RMST: variants seen among roughly 807,000 people sequenced by gnomAD.
RMST encodes the protein long intergenic non-protein coding RNA 54.
At chr12:97,547,393 C>A (rs1421935774) in intron 11 of RMST, among the ~76,000 whole-genome samples, 3 of 151,702 alleles carry the variant, frequency 2.0e-5, no homozygotes, top group African/African-American at 7.3e-5. Flanking sequence ...ATTTTATTTC[C>A]TTTGGACAAA....
chr12:97,493,670 C>T (rs1877104262), intron 7 of RMST, among the ~76,000 whole-genome samples: 1 of 152,150 alleles, frequency 6.6e-6, no homozygotes, highest in African/African-American at 2.4e-5. Flanking sequence ...CAAGAAAAAG[C>T]ATATTATCTA....
rs375626901 is a variant in RMST, at chr12:97,492,279, C to A, written n.645-182C>A. On this transcript the variant is annotated intron_variant and non_coding_transcript_variant, in intron 5 of 13. Transcript: ENST00000640149. ...ATATCTGTCAGATCTTAACACTAAA[C>A]CTGCCAGAGTGTAACATGGTCCTGT... is the stretch of plus-strand genomic sequence containing the variant. Among the ~76,000 whole-genome samples, 27 of 152,304 alleles carry A rather than the reference C, an allele frequency of 1.8e-4. 1 individual carries two copies. In the East Asian group the frequency reaches 4.8e-3, roughly 27 times the overall value.
chr12:97,498,006 T>C (rs1434123702), intron 10 of RMST, among the ~76,000 whole-genome samples: 1 of 152,160 alleles, frequency 6.6e-6, no homozygotes, highest in Non-Finnish European at 1.5e-5. Context: ...TGCTCACACA[T>C]ATTTACTGAG....
At chr12:97,482,894 C>T (rs1875596671) in intron 5 of RMST, among the ~76,000 whole-genome samples, 1 of 150,686 alleles carries the variant, frequency 6.6e-6, no homozygotes, top group Non-Finnish European at 1.5e-5. Context: ...AGAAGCCCCT[C>T]ATGCCAAGCA....
intron 5 of RMST, among the ~76,000 whole-genome samples, chr12:97,476,649 C>T: frequency 6.6e-6 from 1 of 152,136 alleles, no homozygotes; most frequent in Non-Finnish European, 1.5e-5. Context: ...TTCATGTCCT[C>T]ATGGAAGAAT....
In RMST at chr12:97,523,388, G is replaced by T. The variant is rs115119643; in HGVS notation, n.1341-7267G>T. ...ATTAGTCAAGGGGGACGAAGTTATA[G>T]TTAGATAGGAGGAATAAGTTCAAGT... On this transcript the variant is annotated intron_variant and non_coding_transcript_variant, in intron 10 of 13. Coordinates refer to ENST00000640149, the Ensembl canonical transcript of RMST. 5.0e-3 allele frequency among the ~76,000 whole-genome samples: 765 copies of T among 152,286 alleles called. 11 individuals carry two copies. Among genetic ancestry groups the T allele is most frequent in the African/African-American group, 0.017 (698 of 41,558 alleles).
At chr12:97,511,710 A>T (rs564079105) in intron 10 of RMST, among the ~76,000 whole-genome samples, 3 of 152,318 alleles carry the variant, frequency 2.0e-5, no homozygotes, top group African/African-American at 7.2e-5. Flanking sequence ...TGAAATAACT[A>T]ATTACAGCAG....
At chr12:97,482,830 TA>T (rs1489314150) in intron 5 of RMST, among the ~76,000 whole-genome samples, 4 of 147,066 alleles carry the variant, frequency 2.7e-5, no homozygotes, top group Non-Finnish European at 4.5e-5. Flanking sequence ...ATTTATTTAT[TA>T]AATAAATTTA....
chr12:97,556,116 C>T (rs983319374), intron 11 of RMST, among the ~76,000 whole-genome samples: 1 of 152,102 alleles, frequency 6.6e-6, no homozygotes, highest in Non-Finnish European at 1.5e-5. Flanking sequence ...TTTGAGAAGC[C>T]CTGGTTGAAC....
At chr12:97,517,933 A>G (rs1025386992) in intron 10 of RMST, among the ~76,000 whole-genome samples, 9 of 152,148 alleles carry the variant, frequency 5.9e-5, no homozygotes, top group Admixed American at 2.0e-4. Context: ...ATAAATAAGT[A>G]TCAATTGTCC....
chr12:97,514,131 A>G (rs1337992740), intron 10 of RMST, among the ~76,000 whole-genome samples: 4 of 152,222 alleles, frequency 2.6e-5, no homozygotes, highest in East Asian at 1.9e-4. Flanking sequence ...GCAAGAGTCA[A>G]GTCTTGGTAA....
intron 10 of RMST, among the ~76,000 whole-genome samples, chr12:97,530,037 AG>A (rs1196435649): frequency 3.3e-5 from 5 of 152,064 alleles, no homozygotes; most frequent in Non-Finnish European, 7.4e-5. Context: ...TTCATGAAAA[AG>A]GGATAGATGG....
At chr12:97,465,703 A>T (rs1873103730) in exon 5 of RMST, 1 of 152,210 alleles carries the variant, frequency 6.6e-6, no homozygotes, top group African/African-American at 2.4e-5. Context: ...TTCCATGAGA[A>T]GTGACATCCT....
intron 10 of RMST, among the ~76,000 whole-genome samples, chr12:97,497,444 T>A (rs1009779585): frequency 1.3e-5 from 2 of 152,194 alleles, no homozygotes; most frequent in African/African-American, 4.8e-5. Context: ...GTTCAAAATA[T>A]TTCAAAGTTG....
intron 10 of RMST, among the ~76,000 whole-genome samples, chr12:97,511,663 C>T (rs1247386607): frequency 1.3e-5 from 2 of 152,084 alleles, no homozygotes; most frequent in Non-Finnish European, 1.5e-5. Flanking sequence ...GCCTCAGTTG[C>T]CTCATGTAGG....
intron 10 of RMST, among the ~76,000 whole-genome samples, chr12:97,509,502 GA>G (rs1222864609): frequency 6.6e-6 from 1 of 152,180 alleles, no homozygotes; most frequent in Admixed American, 6.5e-5. Context: ...CTGAGGTTGA[GA>G]CAAACAGCCT....
intron 11 of RMST, among the ~76,000 whole-genome samples, chr12:97,539,364 T>C (rs1882330345): frequency 6.6e-6 from 1 of 151,616 alleles, no homozygotes. Context: ...AGAACCAAAG[T>C]GTATGTGTAT....
chr12:97,533,934 A>T (rs955822020), intron 11 of RMST, among the ~76,000 whole-genome samples: 1 of 151,782 alleles, frequency 6.6e-6, no homozygotes, highest in Non-Finnish European at 1.5e-5. Context: ...GTAGGCTTCT[A>T]CTCCAAGCCT....
At chr12:97,543,866 C>G (rs954698704) in intron 11 of RMST, among the ~76,000 whole-genome samples, 6 of 151,982 alleles carry the variant, frequency 3.9e-5, no homozygotes, top group African/African-American at 1.4e-4. Context: ...AGGAATGTAT[C>G]CATCATTTTG....
Sources: gnomAD v4.1 joint callset for allele counts (sites outside exome capture counted in the v4.1 genomes callset) on GRCh38, gnomAD v4.1.1 for gene constraint, MANE v1.5 for transcripts, NCBI Gene and HGNC (gene_info 2026-07-23, HGNC 2026-07-21) for gene names.